The following RBM26 variants were observed in gnomAD, a reference collection of about 807,000 sequenced individuals.
The protein encoded by RBM26 is RNA-binding protein 26.
A neutral mutation model predicts 123.6 loss-of-function variants in RBM26; 30 were observed. The observed-to-expected ratio is 0.24, with a 90% CI of 0.18 to 0.33. The LOEUF (loss-of-function observed/expected upper bound fraction) is 0.33. RBM26 is among the 10% of genes least tolerant of loss of function. The pLI, the probability that RBM26 is intolerant of heterozygous loss-of-function variation, is 1.00. For missense variants in RBM26, 947 were observed against 1,203.6 expected, an observed-to-expected ratio of 0.79 and a Z score of 3.15; for synonymous variants, 400 against 404.4, an observed-to-expected ratio of 0.99 and a Z score of 0.13.
intron 3 of RBM26, among the ~76,000 whole-genome samples, chr13:79,375,103 T>TAC (rs57211021): frequency 7.6e-6 from 1 of 132,240 alleles, no homozygotes; most frequent in Admixed American, 8.1e-5. Flanking sequence ...TATTTATATA[T>TAC]ATCATATAAA....
chr13:79,405,869 C>T lies in RBM26; in HGVS notation c.-95G>A, dbSNP rs2079490306. 1 of 667,322 alleles carries T rather than the reference C, an allele frequency of 1.5e-6. No homozygotes were observed. The highest frequency in any genetic ancestry group is 4.5e-5 in the Admixed American group (1 of 22,174). 41.3% of individuals were successfully genotyped at this position (667,322 alleles called of 1,614,324 possible). On this transcript the variant is annotated 5_prime_UTR_variant, in exon 1 of 22. Coordinates refer to ENST00000438737, the MANE Select transcript of RBM26 (RefSeq NM_001366735.2). ...CCCCGCCCCCTCCTCCGCGCGCCGC[C>T]CGCGTGGGCCGCGGTGGGAGGCGCC...
rs761300067 is a variant in RBM26, at chr13:79,405,780, G to A, written c.-6C>T. 3.8e-6 allele frequency: 6 copies of A among 1,578,102 alleles called. No individual in the cohort carries two copies. The highest frequency in any genetic ancestry group is 5.2e-6 in the Non-Finnish European group (6 of 1,160,604). ...ATGATCATTTTAGAAACCATCCACA[G>A]CGGCCCTAAGGCCCGTCACACTCCT... On this transcript the variant is annotated 5_prime_UTR_variant, in exon 1 of 22. Coordinates refer to ENST00000438737, the MANE Select transcript of RBM26 (RefSeq NM_001366735.2).
chr13:79,343,505 T>C (rs2071777410), intron 16 of RBM26, among the ~76,000 whole-genome samples: 1 of 151,922 alleles, frequency 6.6e-6, no homozygotes, highest in Non-Finnish European at 1.5e-5. Flanking sequence ...CAAATCAAAA[T>C]GTAGTTTCTG....
At chr13:79,360,217 T>C (rs557253024) in intron 9 of RBM26, among the ~76,000 whole-genome samples, 2 of 152,190 alleles carry the variant, frequency 1.3e-5, no homozygotes, top group South Asian at 2.1e-4. Flanking sequence ...TGTGACTGTA[T>C]AGGAAAAAGC....
At chr13:79,358,457 C>G (rs1487640533) in intron 10 of RBM26, 24 bp from the exon 11 acceptor site, 2 of 1,590,952 alleles carry the variant, frequency 1.3e-6, no homozygotes, top group Non-Finnish European at 1.7e-6. Context: ...TCAAGTTAGT[C>G]AATACATTTA....
At chr13:79,359,538 G>T in intron 10 of RBM26, 37 bp downstream of exon 10, 2 of 922,184 alleles carry the variant, frequency 2.2e-6, no homozygotes, top group Non-Finnish European at 3.4e-6. Context: ...GAAAATCAAT[G>T]CACAATTATA....
chr13:79,323,164 A>G (rs959924363), intron 20 of RBM26, among the ~76,000 whole-genome samples: 5 of 151,584 alleles, frequency 3.3e-5, no homozygotes, highest in African/African-American at 1.2e-4. Flanking sequence ...TACTTGCTAT[A>G]TTAAGTGGCT....
At chr13:79,370,685 G>C (rs545505596) in intron 5 of RBM26, among the ~76,000 whole-genome samples, 1 of 152,288 alleles carries the variant, frequency 6.6e-6, no homozygotes, top group East Asian at 1.9e-4. Flanking sequence ...AAGAGTTTCA[G>C]CTTATCTACT....
chr13:79,336,452 C>T (rs1028188632), intron 19 of RBM26, among the ~76,000 whole-genome samples: 6 of 152,156 alleles, frequency 3.9e-5, no homozygotes, highest in African/African-American at 1.4e-4. Flanking sequence ...GCTTAGTAAC[C>T]AACCTTTGGG....
intron 1 of RBM26, among the ~76,000 whole-genome samples, chr13:79,383,978 C>T (rs1440131631): frequency 6.6e-6 from 1 of 152,052 alleles, no homozygotes; most frequent in East Asian, 1.9e-4. Context: ...GCCAAGGGAA[C>T]CCATCAGAAA....
At chr13:79,315,867 A>ACAGGTATAT (rs1355308313), downstream of RBM26, among the ~76,000 whole-genome samples, 1 of 151,752 alleles carries the variant, frequency 6.6e-6, no homozygotes, top group East Asian at 1.9e-4. Context: ...TTGTCATCTG[A>ACAGGTATAT]CAGGTATATA....
At chr13:79,326,180 C>T (rs1481154036) in intron 20 of RBM26, among the ~76,000 whole-genome samples, 1 of 152,176 alleles carries the variant, frequency 6.6e-6, no homozygotes, top group East Asian at 1.9e-4. Context: ...AAACTTAGGT[C>T]TATTTCTGAA....
chr13:79,313,975 C>G (rs1217331242), downstream of RBM26: 2 of 151,328 alleles, frequency 1.3e-5, no homozygotes, highest in Non-Finnish European at 1.5e-5. Flanking sequence ...ATAGTTACTA[C>G]CAAGTATAGC....
chr13:79,316,202 T>A (rs965041282), downstream of RBM26, among the ~76,000 whole-genome samples: 1 of 142,300 alleles, frequency 7.0e-6, no homozygotes, highest in Non-Finnish European at 1.5e-5. Context: ...GGTGTGTGTG[T>A]GTGTGTGTGT....
intron 14 of RBM26, among the ~76,000 whole-genome samples, chr13:79,351,952 C>A (rs1382425056): frequency 6.6e-6 from 1 of 152,142 alleles, no homozygotes; most frequent in East Asian, 1.9e-4. Context: ...TCTACAAACA[C>A]AAGCAAATGA....
intron 11 of RBM26, among the ~76,000 whole-genome samples, chr13:79,356,883 T>C (rs1054600288): frequency 2.6e-5 from 4 of 152,202 alleles, no homozygotes; most frequent in African/African-American, 9.7e-5. Flanking sequence ...AAATTTTAAA[T>C]ATTACCAGTG....
chr13:79,361,223 T>C (rs2074644390), intron 9 of RBM26, among the ~76,000 whole-genome samples: 1 of 152,136 alleles, frequency 6.6e-6, no homozygotes, highest in Non-Finnish European at 1.5e-5. Context: ...ATATTTGATA[T>C]ATGACTACCC....
intron 1 of RBM26, among the ~76,000 whole-genome samples, chr13:79,399,100 G>C (rs2078842351): frequency 6.6e-6 from 1 of 152,152 alleles, no homozygotes; most frequent in Admixed American, 6.5e-5. Context: ...TGAAACCAGT[G>C]CTGAGAGAGA....
intron 1 of RBM26, among the ~76,000 whole-genome samples, chr13:79,388,887 AGATCACAAGTTACAGGC>A (rs1312718341): frequency 6.6e-6 from 1 of 152,248 alleles, no homozygotes; most frequent in Non-Finnish European, 1.5e-5. Context: ...TGTCCAAAAA[AGATCACAAGTTACAGGC>A]CTCAAAGTAC....
Sources: allele counts gnomAD v4.1 joint callset (sites outside exome capture counted in the v4.1 genomes callset), GRCh38; gene constraint gnomAD v4.1.1; transcripts MANE v1.5; gene names NCBI Gene and HGNC (gene_info 2026-07-23, HGNC 2026-07-21).